The following ST6GALNAC3 variants were observed in gnomAD, a reference collection of about 807,000 sequenced individuals.
The protein encoded by ST6GALNAC3 is alpha-N-acetylgalactosaminide alpha-2,6-sialyltransferase 3.
In ST6GALNAC3, 25 loss-of-function variants were observed where a neutral mutation model predicts 32.7. The ratio of observed to expected loss-of-function variants is 0.76; its 90% confidence interval spans 0.56 to 1.07. ST6GALNAC3 has a LOEUF of 1.07. Among genes scored for constraint, ST6GALNAC3 ranks in the 50% least tolerant of loss-of-function variants. The pLI is 0.00. For missense variants in ST6GALNAC3, 355 were observed against 382.4 expected (o/e 0.93, Z 0.60); for synonymous variants, 129 against 133.1 (o/e 0.97, Z 0.21).
chr1:76,245,392 T>A (rs901393485), intron 1 of ST6GALNAC3, among the ~76,000 whole-genome samples: 1 of 152,160 alleles, frequency 6.6e-6, no homozygotes, highest in Non-Finnish European at 1.5e-5. Flanking sequence ...CCTGGATTCA[T>A]TGATTTTTTT....
intron 3 of ST6GALNAC3, among the ~76,000 whole-genome samples, chr1:76,583,093 T>C (rs1005691757): frequency 2.4e-4 from 36 of 152,146 alleles, no homozygotes; most frequent in African/African-American, 8.4e-4. Context: ...TCTGAGCCAA[T>C]GAGAGCTGAT....
intron 1 of ST6GALNAC3, among the ~76,000 whole-genome samples, chr1:76,093,107 T>C (rs767604189): frequency 2.0e-5 from 3 of 152,188 alleles, no homozygotes; most frequent in Non-Finnish European, 4.4e-5. Flanking sequence ...TTTGAAGATA[T>C]GGGAAGAATT....
Position 76,634,079 on chromosome 1 carries a change from T to C in ST6GALNAC3, c.*5273T>C. 1 of 844,324 alleles carries C rather than the reference T, an allele frequency of 1.2e-6. No homozygotes were observed. Among genetic ancestry groups the C allele is most frequent in the Non-Finnish European group, 1.4e-6 (1 of 701,348 alleles). The allele number at this position is 844,324 out of a possible 1,614,324, so 52.3% of individuals were successfully genotyped here. On this transcript the variant is annotated 3_prime_UTR_variant, in exon 5 of 5. Transcript: ENST00000328299. Reference sequence around the variant, plus strand: ...CAGTTAACTACTTGTTTGTTTCTTTTCAGAATAGGCACTTTTTTTTGAGTA... The same window carrying C: ...CAGTTAACTACTTGTTTGTTTCTTTCCAGAATAGGCACTTTTTTTTGAGTA...
At chr1:76,455,741 T>C (rs1657730077) in intron 3 of ST6GALNAC3, among the ~76,000 whole-genome samples, 1 of 152,174 alleles carries the variant, frequency 6.6e-6, no homozygotes, top group Non-Finnish European at 1.5e-5. Flanking sequence ...TGTTCCTCTT[T>C]TACCCCAGCA....
intron 1 of ST6GALNAC3, among the ~76,000 whole-genome samples, chr1:76,186,839 G>T (rs1410149414): frequency 6.6e-6 from 1 of 152,100 alleles, no homozygotes; most frequent in Non-Finnish European, 1.5e-5. Context: ...GTTCCCTGAG[G>T]ATTCTTATAA....
intron 3 of ST6GALNAC3, among the ~76,000 whole-genome samples, chr1:76,598,496 G>C (rs910592800): frequency 1.2e-4 from 18 of 152,274 alleles, no homozygotes; most frequent in African/African-American, 4.1e-4. Context: ...GTTGCTTACA[G>C]ATTCAGAACT....
intron 3 of ST6GALNAC3, among the ~76,000 whole-genome samples, chr1:76,518,005 C>G (rs1192087112): frequency 1.3e-5 from 2 of 151,824 alleles, no homozygotes; most frequent in African/African-American, 4.8e-5. Flanking sequence ...AAAAATAAGT[C>G]ATTTTTGTTT....
Position 76,266,604 on chromosome 1 carries a change from G to A in ST6GALNAC3, c.19-47201G>A, listed in dbSNP as rs140326333. Among the ~76,000 whole-genome samples, 233 of 152,304 alleles carry A rather than the reference G, an allele frequency of 1.5e-3. 1 individual carries two copies. In the Middle Eastern group the frequency reaches 0.02, roughly 13 times the overall value. On this transcript the variant is annotated intron_variant, in intron 1 of 4. Coordinates refer to ENST00000328299, the MANE Select transcript of ST6GALNAC3 (RefSeq NM_152996.4). ...GAACTTGATCTCTAGGGATAAAAGA[G>A]CAACAGTTGCTCTTAGGATCTTGTC...
chr1:76,076,883 G>A (rs139170115), intron 1 of ST6GALNAC3, among the ~76,000 whole-genome samples: 45 of 152,242 alleles, frequency 3.0e-4, no homozygotes, highest in African/African-American at 1.1e-3. Flanking sequence ...GAGTGATCCT[G>A]GATTTAGACC....
At chr1:76,565,847 C>T (rs1210832474) in intron 3 of ST6GALNAC3, among the ~76,000 whole-genome samples, 3 of 152,142 alleles carry the variant, frequency 2.0e-5, no homozygotes, top group African/African-American at 7.2e-5. Flanking sequence ...TAGGGGTGAG[C>T]ACAAAGAAAT....
intron 3 of ST6GALNAC3, among the ~76,000 whole-genome samples, chr1:76,598,314 G>A (rs1647170635): frequency 6.6e-6 from 1 of 152,098 alleles, no homozygotes; most frequent in African/African-American, 2.4e-5. Flanking sequence ...CAACCAAGAT[G>A]GTGAATTCTT....
intron 3 of ST6GALNAC3, among the ~76,000 whole-genome samples, chr1:76,428,104 C>T (rs1236648339): frequency 2.0e-5 from 3 of 152,140 alleles, no homozygotes; most frequent in Non-Finnish European, 2.9e-5. Context: ...TTGCCATAAT[C>T]GCTATCCAAT....
At chr1:76,496,646 A>G (rs549120947) in intron 3 of ST6GALNAC3, among the ~76,000 whole-genome samples, 1 of 152,166 alleles carries the variant, frequency 6.6e-6, no homozygotes, top group East Asian at 1.9e-4. Flanking sequence ...CCACAACCCC[A>G]AGAGAGGACA....
intron 3 of ST6GALNAC3, among the ~76,000 whole-genome samples, chr1:76,432,443 C>CTTTTTTTTTTTTTTTTTTTTTT (rs35527607): frequency 1.7e-5 from 1 of 57,150 alleles, no homozygotes; most frequent in Non-Finnish European, 3.2e-5. Flanking sequence ...CCTTTATTGC[C>CTTTTTTTTTTTTTTTTTTTTTT]TTTTTTTTTT....
chr1:76,608,559 G>A (rs1249844194), intron 3 of ST6GALNAC3, among the ~76,000 whole-genome samples: 1 of 151,410 alleles, frequency 6.6e-6, no homozygotes, highest in African/African-American at 2.4e-5. Flanking sequence ...CTCAGAAGGA[G>A]CTGTTGTCAG....
intron 1 of ST6GALNAC3, among the ~76,000 whole-genome samples, chr1:76,093,167 A>G (rs1571131601): frequency 6.6e-6 from 1 of 152,246 alleles, no homozygotes; most frequent in East Asian, 1.9e-4. Flanking sequence ...AAATGGGAAT[A>G]AAGTGGAAAC....
intron 3 of ST6GALNAC3, among the ~76,000 whole-genome samples, chr1:76,554,938 T>C (rs780419898): frequency 1.3e-5 from 2 of 152,166 alleles, no homozygotes; most frequent in Non-Finnish European, 2.9e-5. Context: ...AATAGGTCAT[T>C]AATAGTTAGA....
rs138837566 is a variant in ST6GALNAC3 at position 76,133,235 on chromosome 1, A to T, written c.18+58351A>T. Among the ~76,000 whole-genome samples, 156 of 152,288 alleles carry T rather than the reference A, an allele frequency of 1.0e-3. 3 individuals are homozygous for T. The East Asian group carries it at 0.027, about 26-fold the overall frequency. ...TTTAATTTCCTTATCTTGCTGCCAG[A>T]AATTGAGCACATTTCCATGGTTTCA... On this transcript the variant is annotated intron_variant, in intron 1 of 4. Coordinates refer to ENST00000328299, the MANE Select transcript of ST6GALNAC3 (RefSeq NM_152996.4).
At chr1:76,344,124 T>C (rs1301460009) in intron 2 of ST6GALNAC3, among the ~76,000 whole-genome samples, 45 of 152,224 alleles carry the variant, frequency 3.0e-4, no homozygotes, top group Admixed American at 2.9e-3. Flanking sequence ...ACAAACATGA[T>C]ATTCTGCTAG....
Sources: allele counts gnomAD v4.1 joint callset (sites outside exome capture counted in the v4.1 genomes callset), GRCh38; gene constraint gnomAD v4.1.1; transcripts MANE v1.5; gene names NCBI Gene and HGNC (gene_info 2026-07-23, HGNC 2026-07-21).